The following DNAH14 variants were observed in gnomAD, a reference collection of about 807,000 sequenced individuals.
The protein encoded by DNAH14 is dynein axonemal heavy chain 14, also known as axonemal beta dynein heavy chain 14.
A neutral mutation model predicts 520.9 loss-of-function variants in DNAH14; 478 were observed. The observed-to-expected ratio is 0.92, with a 90% confidence interval of 0.85 to 0.99. DNAH14 has a LOEUF of 0.99. Ranked by LOEUF, DNAH14 falls within the 50% of genes least tolerant of loss-of-function variation. The probability of loss-of-function intolerance (pLI) is 0.00; values close to 1 mark genes in which losing one functional copy is unlikely to be tolerated. For missense variants in DNAH14, 4,831 were observed against 5,234.5 expected, an observed-to-expected ratio of 0.92 and a Z score of 2.38; for synonymous variants, 1,581 against 1,757.2, an observed-to-expected ratio of 0.90 and a Z score of 2.51.
At chr1:225,322,386 G>A (rs2094575009) in intron 61 of DNAH14, among the ~76,000 whole-genome samples, 1 of 152,036 alleles carries the variant, frequency 6.6e-6, no homozygotes, top group Non-Finnish European at 1.5e-5. Flanking sequence ...ACCATGCCCA[G>A]CCCAAGACTT....
intron 54 of DNAH14, among the ~76,000 whole-genome samples, chr1:225,278,631 G>A (rs2093552015): frequency 6.6e-6 from 1 of 151,996 alleles, no homozygotes. Context: ...TAGAACATAA[G>A]CTCTACAAGG....
chr1:224,944,559 C>T (rs896617997), intron 1 of DNAH14, among the ~76,000 whole-genome samples: 3 of 152,014 alleles, frequency 2.0e-5, no homozygotes, highest in Non-Finnish European at 4.4e-5. Context: ...TTATTTTGCT[C>T]GTTAGTTGAT....
At chr1:225,172,783 A>G (rs1366916360) in intron 36 of DNAH14, among the ~76,000 whole-genome samples, 1 of 152,230 alleles carries the variant, frequency 6.6e-6, no homozygotes, top group Non-Finnish European at 1.5e-5. Flanking sequence ...GGAACCAAAA[A>G]AGAGCCCGCA....
At chr1:225,145,984 T>C (rs1038543092) in intron 30 of DNAH14, among the ~76,000 whole-genome samples, 2 of 152,224 alleles carry the variant, frequency 1.3e-5, no homozygotes, top group Admixed American at 6.5e-5. Context: ...CAAAGCATAT[T>C]ACCTCTGAGA....
At chr1:225,011,488 C>T (rs2064735771) in intron 10 of DNAH14, among the ~76,000 whole-genome samples, 1 of 152,044 alleles carries the variant, frequency 6.6e-6, no homozygotes. Context: ...TCCTAAATAT[C>T]CTTGTTAATT....
At chr1:225,146,800 G>A (rs2079988993) in intron 30 of DNAH14, among the ~76,000 whole-genome samples, 1 of 152,230 alleles carries the variant, frequency 6.6e-6, no homozygotes, top group Non-Finnish European at 1.5e-5. Flanking sequence ...TGGCTGTCCA[G>A]GGAGGGATCT....
intron 78 of DNAH14, among the ~76,000 whole-genome samples, chr1:225,375,257 G>GTTC (rs375890659): frequency 9.9e-4 from 151 of 152,290 alleles, no homozygotes; most frequent in African/African-American, 3.2e-3. Flanking sequence ...CACATCTCTT[G>GTTC]TTTATCCCCT....
In DNAH14 at chr1:225,069,299, TG is replaced by T. The variant is rs1572848741; in HGVS notation, c.2425-9907del. Among the ~76,000 whole-genome samples the T allele has an allele frequency of 3.9e-5, 6 of 152,312 alleles. No individual in the cohort carries two copies. The East Asian group carries it at 1.2e-3, about 29-fold the overall frequency. ...TTCTTCTGCCAGTTTTTAAGGGGAA[TG>T]CTTCCTGCTTTTGCCCATTCAGTAT... On this transcript the variant is annotated intron_variant, in intron 17 of 85. Coordinates refer to ENST00000682510, the MANE Select transcript of DNAH14 (RefSeq NM_001367479.1).
chr1:225,213,000 T>C (rs1300884594), intron 41 of DNAH14, among the ~76,000 whole-genome samples: 5 of 152,212 alleles, frequency 3.3e-5, no homozygotes, highest in Non-Finnish European at 7.3e-5. Context: ...ATGTCCTGAA[T>C]GGTATTGCCT....
chr1:225,342,761 A>G (rs989228247), intron 69 of DNAH14, among the ~76,000 whole-genome samples: 2 of 151,946 alleles, frequency 1.3e-5, no homozygotes, highest in Non-Finnish European at 2.9e-5. Flanking sequence ...CTATCTGCAC[A>G]TATGTATAGA....
intron 81 of DNAH14, among the ~76,000 whole-genome samples, chr1:225,385,676 T>G (rs933095242): frequency 2.0e-5 from 3 of 152,174 alleles, no homozygotes; most frequent in East Asian, 1.9e-4. Flanking sequence ...TTACAAGGGA[T>G]GTGAAGGACC....
chr1:225,326,288 C>T (rs1235344687), intron 64 of DNAH14, among the ~76,000 whole-genome samples: 1 of 152,160 alleles, frequency 6.6e-6, no homozygotes, highest in African/African-American at 2.4e-5. Context: ...CTCTAAAGCC[C>T]ACGCACTTAA....
At chr1:225,335,143 ATGTGT>A (rs1558423351) in intron 66 of DNAH14, among the ~76,000 whole-genome samples, 1 of 140,980 alleles carries the variant, frequency 7.1e-6, no homozygotes, top group African/African-American at 2.7e-5. Context: ...GCATGTGCAC[ATGTGT>A]ACATGTGTGC....
Position 225,331,423 on chromosome 1 carries a change from TA to T in DNAH14, c.9724-12del. The stretch of plus-strand genomic sequence containing the variant: ...TAAGATATTTTTCTCAATAATGAAT[TA>T]ATTATCTTTCAGGTTGAAGAACATT... On this transcript the variant is annotated splice_polypyrimidine_tract_variant and intron_variant, in intron 64 of 85. Transcript: ENST00000682510. 6.5e-7 allele frequency: 1 copy of T among 1,547,376 alleles called. No individual in the cohort carries two copies. The highest frequency in any genetic ancestry group is 2.4e-5 in the East Asian group (1 of 40,866).
intron 60 of DNAH14, among the ~76,000 whole-genome samples, chr1:225,311,488 A>C (rs933714584): frequency 2.6e-5 from 4 of 151,848 alleles, no homozygotes; most frequent in African/African-American, 7.3e-5. Context: ...CTTTTGTTGC[A>C]ATTGCTTTTG....
In DNAH14 at chr1:225,259,236, T is replaced by A. The variant is rs1404659846; in HGVS notation, c.7140T>A (p.Ser2380Arg). 2 of 1,491,378 alleles carry A rather than the reference T, an allele frequency of 1.3e-6. No individual in the cohort carries two copies. Among genetic ancestry groups the A allele is most frequent in the Middle Eastern group, 1.7e-4 (1 of 5,848 alleles). The allele number at this position is 1,491,378 out of a possible 1,614,324, so 92.4% of individuals were successfully genotyped here. A position where few individuals can be genotyped will look rare whatever the true frequency, so the allele number is the denominator to read the frequency against. The change falls in exon 46 of 86, where the codon AGT (serine) becomes AGA (arginine). Residue 2380 changes from serine to arginine, a missense_variant. Ser to Arg is a moderately radical substitution (Grantham distance 110). Coordinates refer to ENST00000682510, the MANE Select transcript of DNAH14 (RefSeq NM_001367479.1). Reference sequence around the variant, plus strand: ...TTTTAGGAGACACCCTATTATATAGTGAAATAAAAAAATCAAGGTTGTATA... The same window carrying A: ...TTTTAGGAGACACCCTATTATATAGAGAAATAAAAAAATCAAGGTTGTATA... ...GSILGDTLLY[S>R]EIKKSSSLKQ... is the part of the protein sequence containing the mutation.
At chr1:225,310,050 T>G (rs1037940352) in intron 60 of DNAH14, among the ~76,000 whole-genome samples, 4 of 150,236 alleles carry the variant, frequency 2.7e-5, no homozygotes, top group Non-Finnish European at 5.9e-5. Context: ...TAAATAAAAA[T>G]AAAAAAAGAA....
intron 75 of DNAH14, among the ~76,000 whole-genome samples, chr1:225,362,955 C>T (rs935088484): frequency 1.3e-5 from 2 of 152,084 alleles, no homozygotes; most frequent in Non-Finnish European, 2.9e-5. Flanking sequence ...GAAAAGTGTA[C>T]CTAAACTCAT....
chr1:225,026,146 G>A (rs935074569), intron 11 of DNAH14, among the ~76,000 whole-genome samples: 2 of 151,848 alleles, frequency 1.3e-5, no homozygotes, highest in Non-Finnish European at 2.9e-5. Context: ...TTTGTCTTTT[G>A]ATTGCTGAGT....
Sources: gnomAD v4.1 joint callset for allele counts (sites outside exome capture counted in the v4.1 genomes callset) on GRCh38, gnomAD v4.1.1 for gene constraint, MANE v1.5 for transcripts, NCBI Gene and HGNC (gene_info 2026-07-23, HGNC 2026-07-21) for gene names.